The following IQCB1 variants were observed in gnomAD, a reference collection of about 807,000 sequenced individuals.
IQCB1 encodes IQ motif containing B1.
In IQCB1, 56 loss-of-function variants were observed where a neutral mutation model predicts 84.4. That is an observed-to-expected ratio of 0.66 (90% CI 0.54 to 0.83). The LOEUF is 0.83. Ranked by LOEUF, IQCB1 falls within the 40% of genes least tolerant of loss-of-function variation. IQCB1 has a pLI of 0.00. For missense variants in IQCB1, 629 were observed against 682.1 expected, an observed-to-expected ratio of 0.92 and a Z score of 0.87; for synonymous variants, 210 against 234.8, an observed-to-expected ratio of 0.89 and a Z score of 0.96.
intron 5 of IQCB1, among the ~76,000 whole-genome samples, chr3:121,817,505 T>G (rs1483217035): frequency 1.3e-5 from 2 of 152,144 alleles, no homozygotes; most frequent in Admixed American, 1.3e-4. Flanking sequence ...TTGTCTGTAC[T>G]ATTATACCTC....
In IQCB1 at chr3:121,824,545, G is replaced by C. The variant is rs192786733; in HGVS notation, c.393+1506C>G. On this transcript the variant is annotated intron_variant, in intron 5 of 14. Transcript: ENST00000310864. The stretch of plus-strand genomic sequence containing the variant: ...AATATTCGTAATAGTAAACAAAGTA[G>C]ACTTCAAGATAAGGTCTATTATCAG... Among the ~76,000 whole-genome samples, 11 of 150,144 alleles carry C rather than the reference G, an allele frequency of 7.3e-5. No homozygotes were observed. In the East Asian group the frequency reaches 1.6e-3, roughly 21 times the overall value.
At chr3:121,795,051 T>C (rs1435034512) in intron 10 of IQCB1, among the ~76,000 whole-genome samples, 1 of 152,150 alleles carries the variant, frequency 6.6e-6, no homozygotes, top group African/African-American at 2.4e-5. Flanking sequence ...TCAATGAAGA[T>C]ATCCATCCAT....
At chr3:121,777,300 G>A (rs1312992604) in intron 13 of IQCB1, among the ~76,000 whole-genome samples, 1 of 152,156 alleles carries the variant, frequency 6.6e-6, no homozygotes. Flanking sequence ...ACATGTCATT[G>A]AGTGTACCTA....
intron 13 of IQCB1, among the ~76,000 whole-genome samples, chr3:121,777,651 G>A (rs1576537183): frequency 6.6e-6 from 1 of 152,198 alleles, no homozygotes; most frequent in African/African-American, 2.4e-5. Flanking sequence ...ATTTTAAACA[G>A]AAATGTTAAG....
intron 5 of IQCB1, among the ~76,000 whole-genome samples, chr3:121,820,171 G>GT: frequency 6.6e-6 from 1 of 152,180 alleles, no homozygotes; most frequent in South Asian, 2.1e-4. Context: ...GATACACAGG[G>GT]TTAATGGCTA....
chr3:121,805,530 G>A (rs1949571766), intron 7 of IQCB1, among the ~76,000 whole-genome samples: 1 of 152,136 alleles, frequency 6.6e-6, no homozygotes, highest in Admixed American at 6.6e-5. Flanking sequence ...ATGCAGTTAA[G>A]TTACTTGGAA....
At chr3:121,786,140 C>T (rs191396031) in intron 12 of IQCB1, among the ~76,000 whole-genome samples, 1 of 94,698 alleles carries the variant, frequency 1.1e-5, no homozygotes, top group African/African-American at 4.6e-5. Flanking sequence ...CACTGCACTC[C>T]AGCCTGGGAG....
At position 121,825,235 on chromosome 3, in the gene IQCB1, T is replaced by A. The variant is rs531963695; in HGVS notation, c.393+816A>T. On this transcript the variant is annotated intron_variant, in intron 5 of 14. Coordinates refer to ENST00000310864, the MANE Select transcript of IQCB1 (RefSeq NM_001023570.4). ...GCCACCATGCCCGGCTAATTTTGCA[T>A]TTTTAGTAGAGACAGGGTTTCTCCA... Among the ~76,000 whole-genome samples the A allele has an allele frequency of 1.8e-4, 27 of 152,154 alleles. No individual in the cohort carries two copies. The South Asian group carries it at 5.6e-3, about 32-fold the overall frequency.
At chr3:121,833,174 A>G (rs1260420470) in intron 2 of IQCB1, among the ~76,000 whole-genome samples, 1 of 152,204 alleles carries the variant, frequency 6.6e-6, no homozygotes, top group Admixed American at 6.5e-5. Flanking sequence ...ACATAGTAAG[A>G]GCTCTCCAAA....
At chr3:121,832,327 ATTTT>A (rs66929099) in intron 2 of IQCB1, among the ~76,000 whole-genome samples, 9 of 135,642 alleles carry the variant, frequency 6.6e-5, no homozygotes, top group Non-Finnish European at 1.3e-4. Context: ...TAATTTTACA[ATTTT>A]TTTTTTTTTT....
At chr3:121,827,323 GTTGT>G (rs930310792) in intron 4 of IQCB1, among the ~76,000 whole-genome samples, 3 of 151,744 alleles carry the variant, frequency 2.0e-5, no homozygotes, top group African/African-American at 7.3e-5. Context: ...TGTTGTTGTT[GTTGT>G]TTATTTGCAC....
At chr3:121,810,600 T>C (rs1374314385) in intron 5 of IQCB1, among the ~76,000 whole-genome samples, 2 of 151,634 alleles carry the variant, frequency 1.3e-5, no homozygotes, top group Non-Finnish European at 2.9e-5. Flanking sequence ...ATAATTTTAA[T>C]AATATATAAG....
intron 13 of IQCB1, among the ~76,000 whole-genome samples, chr3:121,778,660 C>G (rs1049115740): frequency 2.6e-5 from 4 of 151,840 alleles, no homozygotes; most frequent in South Asian, 2.1e-4. Flanking sequence ...AATCCCAGCA[C>G]TTTGGGAGGC....
At chr3:121,820,823 G>GT (rs1950245957) in intron 5 of IQCB1, among the ~76,000 whole-genome samples, 1 of 150,724 alleles carries the variant, frequency 6.6e-6, no homozygotes, top group Admixed American at 6.6e-5. Flanking sequence ...CAAAGTCATA[G>GT]TGAGTCAAGA....
At chr3:121,788,179 C>G in intron 12 of IQCB1, 105 bp downstream of exon 12, 1 of 1,138,310 alleles carries the variant, frequency 8.8e-7, no homozygotes, top group South Asian at 1.3e-5. Context: ...CTCAAGAAAA[C>G]TAAGTGTCTT....
At chr3:121,815,670 G>C (rs1950023488) in intron 5 of IQCB1, among the ~76,000 whole-genome samples, 1 of 151,800 alleles carries the variant, frequency 6.6e-6, no homozygotes, top group Non-Finnish European at 1.5e-5. Flanking sequence ...GCTACAAACA[G>C]AATAAAATAC....
At chr3:121,781,665 T>C (rs1346489353) in intron 13 of IQCB1, 78 bp downstream of exon 13, 3 of 1,088,628 alleles carry the variant, frequency 2.8e-6, no homozygotes, top group African/African-American at 3.3e-5. Flanking sequence ...ACACACACAA[T>C]ATATGTGTGT....
At position 121,795,535 on chromosome 3, in the gene IQCB1, G is replaced by A. The variant is rs1359158477; in HGVS notation, c.908C>T (p.Ala303Val). 4.4e-6 allele frequency: 7 copies of A among 1,603,618 alleles called. No homozygotes were observed. The highest frequency in any genetic ancestry group is 6.0e-6 in the Non-Finnish European group (7 of 1,170,952). The part of the protein sequence containing the change: ...KLHQAACLIQ[A>V]YWKGFQTRKR... ...TCTTGTCTGAAAACCCTTCCAATAG[G>A]CTTGAATCAAGCATGCTGCTTGATG... Residue 303 changes from alanine (A) to valine (V), a missense_variant, in exon 10 of 15, where the codon GCC becomes GTC. Coordinates refer to ENST00000310864, the MANE Select transcript of IQCB1 (RefSeq NM_001023570.4).
intron 10 of IQCB1, among the ~76,000 whole-genome samples, chr3:121,790,585 T>G (rs1272942039): frequency 6.6e-6 from 1 of 152,170 alleles, no homozygotes; most frequent in African/African-American, 2.4e-5. Context: ...AAACTTTGTC[T>G]CACAACAGCG....
Sources: gnomAD v4.1 joint callset for allele counts (sites outside exome capture counted in the v4.1 genomes callset) on GRCh38, gnomAD v4.1.1 for gene constraint, MANE v1.5 for transcripts, NCBI Gene and HGNC (gene_info 2026-07-23, HGNC 2026-07-21) for gene names.